Variants in DNAI4 observed in about 807,000 individuals in gnomAD.
DNAI4 encodes the protein dynein axonemal intermediate chain 4.
DNAI4 carries 85 observed loss-of-function variants against 105.8 expected under a neutral mutation model. That is an observed-to-expected ratio of 0.80 (90% CI 0.67 to 0.96). DNAI4 has a LOEUF of 0.96. DNAI4 is among the 40% of genes least tolerant of loss of function. The pLI is 0.00. For missense variants in DNAI4, 1,014 were observed against 1,005.6 expected (o/e 1.01, Z -0.11); for synonymous variants, 352 against 331.5 (o/e 1.06, Z -0.67).
intron 8 of DNAI4, among the ~76,000 whole-genome samples, chr1:66,845,208 A>AAG (rs1646249617): frequency 6.1e-5 from 2 of 32,786 alleles, no homozygotes; most frequent in African/African-American, 1.6e-4. Flanking sequence ...AAAAAAAAAA[A>AAG]AGAAAAATTA....
Position 66,814,009 on chromosome 1 carries a change from G to T in DNAI4, c.*121C>A. ...AAGTTTATTAAATTTAAATTAAGTG[G>T]AAGTTATACATCAAATATTGTTTTC... On this transcript the variant is annotated 3_prime_UTR_variant, in exon 17 of 17. Transcript: ENST00000371026. The T allele has an allele frequency of 1.7e-6, 1 of 574,536 alleles. No homozygotes were observed. Among genetic ancestry groups the T allele is most frequent in the South Asian group, 3.6e-5 (1 of 28,140 alleles). The allele number at this position is 574,536 out of a possible 1,614,324, so 35.6% of individuals were successfully genotyped here. A position where few individuals can be genotyped will look rare whatever the true frequency, so the allele number is the denominator to read the frequency against.
At chr1:66,848,260 T>A (rs931336248) in intron 7 of DNAI4, 1 of 456,058 alleles carries the variant, frequency 2.2e-6, no homozygotes, top group African/African-American at 2.0e-5. Context: ...GCAACATTGA[T>A]TGCATTCCCG....
At chr1:66,918,401 T>A (rs962517591) in intron 1 of DNAI4, among the ~76,000 whole-genome samples, 16 of 152,338 alleles carry the variant, frequency 1.1e-4, no homozygotes, top group Admixed American at 2.0e-4. Context: ...TGTTTTCAAT[T>A]TTCTTCCTTC....
At chr1:66,853,216 G>T (rs940267637) in intron 7 of DNAI4, among the ~76,000 whole-genome samples, 2 of 152,240 alleles carry the variant, frequency 1.3e-5, no homozygotes, top group African/African-American at 4.8e-5. Context: ...CAATCACCAG[G>T]AAGGGCGTGA....
intron 2 of DNAI4, among the ~76,000 whole-genome samples, chr1:66,894,986 T>A (rs1648190076): frequency 6.6e-6 from 1 of 152,168 alleles, no homozygotes; most frequent in Admixed American, 6.5e-5. Flanking sequence ...AATCTATAAA[T>A]CAAAATTTAG....
rs1294284634 is a variant in DNAI4 at position 66,905,337 on chromosome 1, A to T, written c.209T>A (p.Phe70Tyr). 1 of 1,527,860 alleles carries T rather than the reference A, an allele frequency of 6.5e-7. No homozygotes were observed. Among genetic ancestry groups the T allele is most frequent in the Non-Finnish European group, 8.9e-7 (1 of 1,125,190 alleles). The allele number at this position is 1,527,860 out of a possible 1,614,324, so 94.6% of individuals were successfully genotyped here. The part of the protein sequence containing the change: ...ATQPKKSISF[F>Y]ATMKATSVKG... ...CACTGAAGTTGCTTTCATTGTAGCA[A>T]AAAAGCTAATAGACTTCTTTGGTTG... The change falls in exon 2 of 17, where the codon TTT (phenylalanine) becomes TAT (tyrosine). Residue 70 changes from phenylalanine (F) to tyrosine (Y), a missense_variant. Phe to Tyr is a conservative substitution (Grantham distance 22). Coordinates refer to ENST00000371026, the MANE Select transcript of DNAI4 (RefSeq NM_024763.5).
intron 1 of DNAI4, among the ~76,000 whole-genome samples, chr1:66,923,942 G>A (rs945566957): frequency 1.4e-4 from 21 of 152,234 alleles, no homozygotes; most frequent in African/African-American, 5.1e-4. Flanking sequence ...TTGGAAGCAG[G>A]AATTAGTTTT....
Position 66,892,993 on chromosome 1 carries a change from GAA to G in DNAI4, c.530+234_530+235del, listed in dbSNP as rs1253726738. On this transcript the variant is annotated intron_variant, in intron 3 of 16. Coordinates refer to ENST00000371026, the MANE Select transcript of DNAI4 (RefSeq NM_024763.5). ...AGAAAGAAAGAAAGAAAGAAAGAAAGAAAGAGAGAAAGAGAGAGAGGAAAGAA... is the reference window on the plus strand; with the variant it reads ...AGAAAGAAAGAAAGAAAGAAAGAAAGAGAGAGAAAGAGAGAGAGGAAAGAA... Among the ~76,000 whole-genome samples the G allele has an allele frequency of 6.9e-4, 81 of 117,332 alleles. 1 individual carries two copies. The highest frequency in any genetic ancestry group is 2.9e-3 in the African/African-American group (77 of 26,338). The allele number at this position is 117,332 out of a possible 152,430, so 77.0% of individuals were successfully genotyped here. A position where few individuals can be genotyped will look rare whatever the true frequency, so the allele number is the denominator to read the frequency against.
chr1:66,843,148 C>T (rs1233519423), intron 8 of DNAI4, among the ~76,000 whole-genome samples: 2 of 125,102 alleles, frequency 1.6e-5, no homozygotes, highest in Non-Finnish European at 3.2e-5. Flanking sequence ...TACAATGAGC[C>T]GTGATTGTGC....
intron 3 of DNAI4, among the ~76,000 whole-genome samples, 175 bp downstream of exon 3, chr1:66,893,054 A>G (rs1350098868): frequency 2.2e-5 from 2 of 90,196 alleles, no homozygotes; most frequent in African/African-American, 1.1e-4. Context: ...AAAGAAAGAA[A>G]GAGAGAGAGA....
chr1:66,864,831 A>G, intron 6 of DNAI4, among the ~76,000 whole-genome samples: 1 of 152,128 alleles, frequency 6.6e-6, no homozygotes, highest in Non-Finnish European at 1.5e-5. Flanking sequence ...ACAAAGCGAG[A>G]CTCTGTCTCA....
chr1:66,855,717 C>T (rs1414348313), intron 7 of DNAI4, among the ~76,000 whole-genome samples: 4 of 151,984 alleles, frequency 2.6e-5, no homozygotes, highest in Non-Finnish European at 5.9e-5. Flanking sequence ...TATGTAAAGC[C>T]CACTGATAGA....
chr1:66,881,357 T>G (rs999291387), intron 4 of DNAI4, among the ~76,000 whole-genome samples: 1 of 152,082 alleles, frequency 6.6e-6, no homozygotes, highest in South Asian at 2.1e-4. Context: ...TGCCAACCCA[T>G]GAAAGCAGCC....
intron 1 of DNAI4, among the ~76,000 whole-genome samples, chr1:66,916,264 A>G (rs574865948): frequency 4.7e-4 from 71 of 152,298 alleles, no homozygotes; most frequent in African/African-American, 1.7e-3. Context: ...TCAAGTTGTC[A>G]TATTGTTTTG....
At chr1:66,822,289 C>A in intron 16 of DNAI4, 72 bp downstream of exon 16, 1 of 1,321,862 alleles carries the variant, frequency 7.6e-7, no homozygotes. Flanking sequence ...AATGTAAATC[C>A]TTTGCATGCT....
intron 8 of DNAI4, 85 bp downstream of exon 8, chr1:66,847,399 T>C (rs1473845936): frequency 7.5e-7 from 1 of 1,338,348 alleles, no homozygotes; most frequent in African/African-American, 1.5e-5. Context: ...GCCCAAGCAA[T>C]CCTCTTCCTC....
At chr1:66,902,233 T>TA (rs1648883456) in intron 2 of DNAI4, among the ~76,000 whole-genome samples, 1 of 152,070 alleles carries the variant, frequency 6.6e-6, no homozygotes, top group African/African-American at 2.4e-5. Context: ...TATTTTGTTT[T>TA]GTTTTTTTTA....
chr1:66,917,454 A>G (rs1039197939), intron 1 of DNAI4, among the ~76,000 whole-genome samples: 2 of 152,222 alleles, frequency 1.3e-5, no homozygotes, highest in African/African-American at 2.4e-5. Flanking sequence ...TTGTGACATT[A>G]GAATAGAGGG....
intron 6 of DNAI4, among the ~76,000 whole-genome samples, chr1:66,863,893 T>C (rs549380641): frequency 6.6e-6 from 1 of 152,338 alleles, no homozygotes; most frequent in South Asian, 2.1e-4. Context: ...ATTTTCCATG[T>C]TCATGAAGAG....
Sources: gnomAD v4.1 joint callset for allele counts (sites outside exome capture counted in the v4.1 genomes callset) on GRCh38, gnomAD v4.1.1 for gene constraint, MANE v1.5 for transcripts, NCBI Gene and HGNC (gene_info 2026-07-23, HGNC 2026-07-21) for gene names.